Variants in PCDHGB1 observed in about 807,000 individuals in gnomAD.
PCDHGB1 encodes protocadherin gamma-B1.
Under a neutral mutation model 56.6 loss-of-function variants are expected in PCDHGB1, and 34 were observed. The ratio of observed to expected loss-of-function variants is 0.60; its 90% confidence interval spans 0.46 to 0.80. PCDHGB1 has a LOEUF of 0.80. Among genes scored for constraint, PCDHGB1 ranks in the 30% least tolerant of loss-of-function variants. PCDHGB1 has a pLI of 0.00. For missense variants in PCDHGB1, 1,278 were observed against 1,204.6 expected (o/e 1.06, Z -0.90); for synonymous variants, 561 against 505.9 (o/e 1.11, Z -1.46).
rs368547508 is a variant in PCDHGB1, at chr5:141,366,079, A to T, written c.2409+13410A>T. On this transcript the variant is annotated intron_variant, in intron 1 of 3. Transcript: ENST00000523390. ...TGGAGCTGGCGCCTCGCTCCGCAGA[A>T]CCTGGCTACCTGGTGACCAAGGTGG... 100 of 1,614,102 alleles carry T rather than the reference A, an allele frequency of 6.2e-5. No homozygotes were observed. Among genetic ancestry groups the T allele is most frequent in the Non-Finnish European group, 8.1e-5 (95 of 1,180,048 alleles).
intron 1 of PCDHGB1, chr5:141,383,409 C>T (rs199780721): frequency 1.2e-6 from 2 of 1,614,010 alleles, no homozygotes; most frequent in Non-Finnish European, 1.7e-6. Flanking sequence ...TCCAGAGTTA[C>T]CAGCTCAGCC....
chr5:141,366,703 T>C, intron 1 of PCDHGB1: 5 of 1,614,226 alleles, frequency 3.1e-6, no homozygotes, highest in Non-Finnish European at 3.4e-6. Context: ...GCGAGCCTCT[T>C]CTGATGTCTG....
chr5:141,428,794 T>C (rs2097161574), intron 1 of PCDHGB1: 1 of 152,852 alleles, frequency 6.5e-6, no homozygotes, highest in African/African-American at 2.4e-5. Context: ...CCTTTCTGTG[T>C]GGGCCAGTAA....
chr5:141,366,189 G>C, intron 1 of PCDHGB1: 1 of 1,613,922 alleles, frequency 6.2e-7, no homozygotes, highest in Non-Finnish European at 8.5e-7. Context: ...TTTGCGGTTG[G>C]GCTGCACACG....
chr5:141,382,486 C>T (rs1278703321), intron 1 of PCDHGB1, among the ~76,000 whole-genome samples: 1 of 152,192 alleles, frequency 6.6e-6, no homozygotes, highest in African/African-American at 2.4e-5. Flanking sequence ...GATTATCAAA[C>T]ACCGGTCCAT....
chr5:141,352,052 G>A lies in PCDHGB1; in HGVS notation c.1792G>A (p.Ala598Thr). Residue 598 changes from alanine (A) to threonine (T), a missense_variant, in exon 1 of 4, where the codon GCT becomes ACT. Physicochemically the swap from Ala to Thr is moderately conservative, Grantham distance 58. Coordinates refer to ENST00000523390, the MANE Select transcript of PCDHGB1 (RefSeq NM_018922.3). ...VAVDADSGHN[A>T]WLSYHVLQAS... ...GGTGGACGCAGACTCAGGACACAAC[G>A]CTTGGCTGTCCTACCACGTGCTGCA... 6.2e-7 allele frequency: 1 copy of A among 1,607,078 alleles called. No homozygotes were observed. Among genetic ancestry groups the A allele is most frequent in the Non-Finnish European group, 8.5e-7 (1 of 1,178,046 alleles).
At position 141,487,074 on chromosome 5, in the gene PCDHGB1, T is replaced by C; in HGVS notation, c.2410-7733T>C. The C allele has an allele frequency of 6.2e-7, 1 of 1,614,104 alleles. No homozygotes were observed. The highest frequency in any genetic ancestry group is 8.5e-7 in the Non-Finnish European group (1 of 1,179,978). Reference sequence around the variant, plus strand: ...GGGGAGGTGCGGACGGCTGTTCCTATCCCAGCTGACCTCCCACCACAGAAG... The same window carrying C: ...GGGGAGGTGCGGACGGCTGTTCCTACCCCAGCTGACCTCCCACCACAGAAG... On this transcript the variant is annotated intron_variant, in intron 1 of 3. Transcript: ENST00000523390. The surrounding 1 kb of genome is among the most constrained non-coding windows in gnomAD (Gnocchi z 5.0).
intron 1 of PCDHGB1, among the ~76,000 whole-genome samples, chr5:141,363,216 T>A (rs1186029128): frequency 6.6e-6 from 1 of 152,230 alleles, no homozygotes; most frequent in African/African-American, 2.4e-5. Context: ...TTGAGAAAAA[T>A]CTTACAACCT....
intron 1 of PCDHGB1, chr5:141,410,836 ATT>A (rs371761731): frequency 1.6e-5 from 4 of 254,870 alleles, no homozygotes; most frequent in African/African-American, 1.4e-4. Flanking sequence ...GACTGAAGAT[ATT>A]TTGTCTTTGT....
intron 1 of PCDHGB1, chr5:141,392,892 G>A (rs2092623669): frequency 6.2e-7 from 1 of 1,613,702 alleles, no homozygotes; most frequent in Non-Finnish European, 8.5e-7. Context: ...GTGGGAAATC[G>A]GGAGGGGACA....
chr5:141,375,058 A>C (rs1346702145), intron 1 of PCDHGB1: 3 of 1,614,066 alleles, frequency 1.9e-6, no homozygotes, highest in Non-Finnish European at 2.5e-6. Context: ...GGGATGGGCC[A>C]GGTCTTCGAG....
chr5:141,428,658 T>G (rs932328483), intron 1 of PCDHGB1: 1 of 165,620 alleles, frequency 6.0e-6, no homozygotes, highest in Non-Finnish European at 1.3e-5. Flanking sequence ...TGAGTTCCAA[T>G]GAATGTCTTT....
At chr5:141,372,031 T>G in intron 1 of PCDHGB1, 3 of 1,613,434 alleles carry the variant, frequency 1.9e-6, no homozygotes, top group Non-Finnish European at 2.5e-6. Context: ...AGCGCCAACG[T>G]GAGCCTGCGC....
At chr5:141,463,629 GTT>G (rs923584581) in intron 1 of PCDHGB1, among the ~76,000 whole-genome samples, 5 of 151,314 alleles carry the variant, frequency 3.3e-5, no homozygotes, top group Middle Eastern at 3.4e-3. Flanking sequence ...TTTGTATTTT[GTT>G]TAGTAGAGAC....
At chr5:141,413,364 G>A (rs759265336) in intron 1 of PCDHGB1, 14 of 1,613,870 alleles carry the variant, frequency 8.7e-6, no homozygotes, top group African/African-American at 5.3e-5. Flanking sequence ...CCCGGGAGCT[G>A]GCGGAGCGCG....
rs1369690575 is a variant in PCDHGB1, at chr5:141,357,368, G to A, written c.2409+4699G>A. 5.0e-6 allele frequency: 8 copies of A among 1,614,036 alleles called. No individual in the cohort carries two copies. In the South Asian group the frequency reaches 6.6e-5, roughly 13 times the overall value. On this transcript the variant is annotated intron_variant, in intron 1 of 3. Coordinates refer to ENST00000523390, the MANE Select transcript of PCDHGB1 (RefSeq NM_018922.3). ...AAGCTGAGACGCTGGCACAAGTCAC[G>A]CCTGCTTCACGCTGAAGGCAGCAGG... is the stretch of plus-strand genomic sequence containing the variant.
In PCDHGB1 at chr5:141,410,323, G is replaced by T. The variant is rs1415994094; in HGVS notation, c.2409+57654G>T. 3.7e-6 allele frequency: 6 copies of T among 1,613,884 alleles called. No homozygotes were observed. The South Asian group carries it at 5.5e-5, about 15-fold the overall frequency. ...TCTCAGTGCTCTTCCTCCTCGCCGT[G>T]ATTCTGGCCATTGCCTTGCGCCTGC... is the stretch of plus-strand genomic sequence containing the variant. On this transcript the variant is annotated intron_variant, in intron 1 of 3. Transcript: ENST00000523390.
At chr5:141,447,837 G>A (rs952923627) in intron 1 of PCDHGB1, among the ~76,000 whole-genome samples, 10 of 152,170 alleles carry the variant, frequency 6.6e-5, no homozygotes, top group African/African-American at 2.4e-4. Flanking sequence ...TGTAATCCCA[G>A]TGCTTTGGGA....
Position 141,415,174 on chromosome 5 carries a change from G to C in PCDHGB1, c.2409+62505G>C, listed in dbSNP as rs1368688199. ...CTCCGCCACTGTCACGCTCACCGTG[G>C]CCGTGGCCGACAGCATCCCCCAAGT... On this transcript the variant is annotated intron_variant, in intron 1 of 3. Transcript: ENST00000523390. 4 of 1,613,784 alleles carry C rather than the reference G, an allele frequency of 2.5e-6. No homozygotes were observed. The African/African-American group carries it at 4.0e-5, about 16-fold the overall frequency.
Sources: gnomAD v4.1 joint callset for allele counts (sites outside exome capture counted in the v4.1 genomes callset) on GRCh38, gnomAD v4.1.1 for gene constraint, Gnocchi (gnomAD v3.1) non-coding constraint, MANE v1.5 for transcripts, NCBI Gene and HGNC (gene_info 2026-07-23, HGNC 2026-07-21) for gene names.